CST8: variants seen among roughly 807,000 people sequenced by gnomAD.
The protein encoded by CST8 is cystatin-8.
CST8 carries 20 observed loss-of-function variants against 11.8 expected under a neutral mutation model. The observed-to-expected ratio is 1.70, with a 90% confidence interval of 1.20 to 2.47. The LOEUF (loss-of-function observed/expected upper bound fraction) is 2.47, where lower values mean the gene tolerates loss of function less well. Ranked by LOEUF, CST8 falls within the 30% of genes most tolerant of loss-of-function variation. CST8 has a pLI of 0.00. For synonymous variants in CST8, 77 were observed against 63.1 expected (o/e 1.22, Z -1.05); for missense variants, 196 against 167.2 (o/e 1.17, Z -0.95).
intron 3 of CST8, among the ~76,000 whole-genome samples, chr20:23,494,077 A>G (rs1987969337): frequency 6.6e-6 from 1 of 152,166 alleles, no homozygotes; most frequent in African/African-American, 2.4e-5. Context: ...CTGCCTCTGT[A>G]TGCTCAAATG....
At chr20:23,502,873 T>G in the CST8 span, among the ~76,000 whole-genome samples, 49 of 152,360 alleles carry the variant, frequency 3.2e-4, no homozygotes, top group African/African-American at 1.2e-3. Context: ...TAGTCGACCC[T>G]AGAAAACAGT....
chr20:23,495,794 G>A (rs769920640), intron 3 of CST8, 37 bp from the exon 4 acceptor site: 4 of 1,112,356 alleles, frequency 3.6e-6, no homozygotes, highest in Non-Finnish European at 3.8e-6. Flanking sequence ...TTTTTTTTTG[G>A]CACTCTACTA....
At chr20:23,502,510 A>C in the CST8 span, among the ~76,000 whole-genome samples, 1 of 152,190 alleles carries the variant, frequency 6.6e-6, no homozygotes, top group South Asian at 2.1e-4. Context: ...GGCCTGAGCC[A>C]CTATGTTCCT....
the CST8 span, among the ~76,000 whole-genome samples, chr20:23,501,827 T>C: frequency 6.6e-6 from 1 of 152,258 alleles, no homozygotes; most frequent in Non-Finnish European, 1.5e-5. Flanking sequence ...TGTTCCTTTT[T>C]TCTGGTTCCA....
downstream of CST8, among the ~76,000 whole-genome samples, chr20:23,498,490 T>C (rs1266895189): frequency 2.0e-5 from 3 of 152,176 alleles, no homozygotes; most frequent in East Asian, 5.8e-4. Flanking sequence ...CTCAAACTAC[T>C]TTTTCCTCTG....
chr20:23,494,552 C>G (rs6106673), intron 3 of CST8, among the ~76,000 whole-genome samples: 1 of 152,094 alleles, frequency 6.6e-6, no homozygotes, highest in Non-Finnish European at 1.5e-5. Context: ...CTTTGTCTGC[C>G]TCTTAACTCC....
chr20:23,505,254 C>T, the CST8 span, among the ~76,000 whole-genome samples: 72 of 147,502 alleles, frequency 4.9e-4, no homozygotes, highest in African/African-American at 1.8e-3. Flanking sequence ...AAGCGATTTT[C>T]CTGCCTCAGC....
chr20:23,497,947 T>A (rs1225918907), downstream of CST8, among the ~76,000 whole-genome samples: 1 of 152,036 alleles, frequency 6.6e-6, no homozygotes, highest in East Asian at 1.9e-4. Flanking sequence ...TAAGCTGTGT[T>A]AGATTGAGTG....
downstream of CST8, among the ~76,000 whole-genome samples, chr20:23,497,040 T>A (rs1052085986): frequency 6.6e-6 from 1 of 152,172 alleles, no homozygotes; most frequent in Non-Finnish European, 1.5e-5. Context: ...TGAGGCAACA[T>A]ACATCCTCCT....
rs1228179170 is a variant in CST8, at chr20:23,495,835, T to C, written c.350T>C (p.Leu117Ser). The C allele has an allele frequency of 1.1e-5, 18 of 1,600,838 alleles. No individual in the cohort carries two copies. Among genetic ancestry groups the C allele is most frequent in the Non-Finnish European group, 1.5e-5 (18 of 1,174,232 alleles). ...TGTTGTTGTCATCTTTTTCAGAAATTAAGCTGCAGCTTTTTGGTAGGAGCA... is the reference window on the plus strand; with the variant it reads ...TGTTGTTGTCATCTTTTTCAGAAATCAAGCTGCAGCTTTTTGGTAGGAGCA... Reference protein sequence around the residue: ...IQENSKLKRKLSCSFLVGALP... With the variant: ...IQENSKLKRKSSCSFLVGALP... Residue 117 changes from leucine to serine, a missense_variant, in exon 4 of 4, where the codon TTA becomes TCA. Physicochemically the swap from Leu to Ser is moderately radical, Grantham distance 145. Transcript: ENST00000246012.
chr20:23,498,028 T>C (rs1217045523), downstream of CST8, among the ~76,000 whole-genome samples: 1 of 151,882 alleles, frequency 6.6e-6, no homozygotes, highest in East Asian at 1.9e-4. Flanking sequence ...TGTATGTGTG[T>C]GTGTAGAGAG....
At chr20:23,500,490 C>CT (rs1232789534), downstream of CST8, among the ~76,000 whole-genome samples, 8 of 152,266 alleles carry the variant, frequency 5.3e-5, no homozygotes, top group East Asian at 1.6e-3. Flanking sequence ...TCAGGACTGC[C>CT]TGCCCCCCAG....
the CST8 span, among the ~76,000 whole-genome samples, chr20:23,501,146 G>A: frequency 6.6e-6 from 1 of 152,170 alleles, no homozygotes; most frequent in Admixed American, 6.5e-5. Context: ...CAGATGCTGT[G>A]GATTTTCTGC....
chr20:23,504,151 T>A, the CST8 span, among the ~76,000 whole-genome samples: 2 of 152,190 alleles, frequency 1.3e-5, no homozygotes, highest in Non-Finnish European at 2.9e-5. Flanking sequence ...ACAGCAGCAA[T>A]GTGTCCCTCC....
downstream of CST8, among the ~76,000 whole-genome samples, chr20:23,500,205 C>A (rs1235684317): frequency 1.3e-5 from 2 of 152,178 alleles, no homozygotes; most frequent in Admixed American, 1.3e-4. Flanking sequence ...CCACCACCAA[C>A]TCTAGGGATT....
At chr20:23,496,695 G>T (rs1230313951), downstream of CST8, among the ~76,000 whole-genome samples, 2 of 152,106 alleles carry the variant, frequency 1.3e-5, no homozygotes, top group African/African-American at 4.8e-5. Flanking sequence ...GGGAAACTGG[G>T]GCTTATTTCA....
chr20:23,492,833 T>G (rs1987928651), intron 2 of CST8, 125 bp from the exon 3 acceptor site: 10 of 701,770 alleles, frequency 1.4e-5, no homozygotes, highest in South Asian at 1.3e-4. Context: ...CCGCTAAAGC[T>G]CTGTCTGGGG....
the CST8 span, among the ~76,000 whole-genome samples, chr20:23,502,670 G>C: frequency 6.6e-6 from 1 of 152,194 alleles, no homozygotes; most frequent in African/African-American, 2.4e-5. Context: ...TTCCGAGCAA[G>C]TGTGATGTGA....
the CST8 span, among the ~76,000 whole-genome samples, chr20:23,506,994 T>C: frequency 1.3e-5 from 2 of 152,328 alleles, no homozygotes; most frequent in African/African-American, 2.4e-5. Context: ...TTCTTGGAGC[T>C]TGGGTAACTG....
Sources: gnomAD v4.1 joint callset for allele counts (sites outside exome capture counted in the v4.1 genomes callset) on GRCh38, gnomAD v4.1.1 for gene constraint, MANE v1.5 for transcripts, NCBI Gene and HGNC (gene_info 2026-07-23, HGNC 2026-07-21) for gene names.